The following PLCB1 variants were observed in gnomAD, a reference collection of about 807,000 sequenced individuals.
The protein encoded by PLCB1 is phospholipase C beta 1, also known as 1-phosphatidylinositol 4,5-bisphosphate phosphodiesterase beta-1.
PLCB1 carries 46 observed loss-of-function variants against 161.8 expected under a neutral mutation model. The ratio of observed to expected loss-of-function variants is 0.28; its 90% CI spans 0.22 to 0.36. The LOEUF (loss-of-function observed/expected upper bound fraction) is 0.36. Among genes scored for constraint, PLCB1 ranks in the 10% least tolerant of loss-of-function variants. The pLI, the probability that PLCB1 is intolerant of heterozygous loss-of-function variation, is 1.00. For synonymous variants in PLCB1, 517 were observed against 503.7 expected, an observed-to-expected ratio of 1.03 and a Z score of -0.35; for missense variants, 1,016 against 1,472.5, an observed-to-expected ratio of 0.69 and a Z score of 5.07.
At chr20:8,292,631 T>C (rs1159037938) in intron 2 of PLCB1, among the ~76,000 whole-genome samples, 1 of 152,060 alleles carries the variant, frequency 6.6e-6, no homozygotes, top group African/African-American at 2.4e-5. Flanking sequence ...TATTCTAAAG[T>C]CAGGAGGAAA....
intron 19 of PLCB1, 27 bp downstream of exon 19, chr20:8,733,419 TC>T (rs767418506): frequency 1.9e-6 from 3 of 1,604,070 alleles, no homozygotes; most frequent in Non-Finnish European, 2.6e-6. Context: ...ACAAAATTGT[TC>T]CTAACAATAG....
intron 9 of PLCB1, among the ~76,000 whole-genome samples, chr20:8,666,788 T>C (rs1196948694): frequency 2.0e-5 from 3 of 152,120 alleles, no homozygotes; most frequent in African/African-American, 7.2e-5. Context: ...TTGTTTCTTC[T>C]AACAAAGTCT....
At chr20:8,811,279 C>G (rs1169179078) in intron 31 of PLCB1, among the ~76,000 whole-genome samples, 1 of 152,194 alleles carries the variant, frequency 6.6e-6, no homozygotes, top group African/African-American at 2.4e-5. Context: ...GACAGCTTAT[C>G]TAACACTCAT....
chr20:8,733,231 T>A lies in PLCB1; in HGVS notation c.1889-7T>A. 6.2e-7 allele frequency: 1 copy of A among 1,613,472 alleles called. No individual in the cohort carries two copies. Among genetic ancestry groups the A allele is most frequent in the East Asian group, 2.2e-5 (1 of 44,844 alleles). On this transcript the variant is annotated splice_region_variant and splice_polypyrimidine_tract_variant and intron_variant, in intron 18 of 31. Coordinates refer to ENST00000338037, the MANE Select transcript of PLCB1 (RefSeq NM_015192.4). ...CTCACAATAAGGCTTGTGTTTTTGA[T>A]ACTCAGACCTGGCTATGCAAATAAA...
In PLCB1 at chr20:8,546,144, G is replaced by A. The variant is rs1004583981; in HGVS notation, c.247-82150G>A. On this transcript the variant is annotated intron_variant, in intron 3 of 31. Coordinates refer to ENST00000338037, the MANE Select transcript of PLCB1 (RefSeq NM_015192.4). ...AGCCTGGCCAATATGGTGAAACCCC[G>A]TCTCTAATAAAAATACAAAAATTAG... Among the ~76,000 whole-genome samples, 9 of 151,136 alleles carry A rather than the reference G, an allele frequency of 6.0e-5. 1 individual carries two copies. The highest frequency in any genetic ancestry group is 2.1e-4 in the South Asian group (1 of 4,778).
chr20:8,323,985 G>A (rs1037158529), intron 2 of PLCB1, among the ~76,000 whole-genome samples: 2 of 152,092 alleles, frequency 1.3e-5, no homozygotes, highest in East Asian at 3.9e-4. Flanking sequence ...AGAGTTAAGT[G>A]AGAAAACTGA....
chr20:8,759,955 G>A (rs904665500), intron 24 of PLCB1, among the ~76,000 whole-genome samples: 57 of 136,534 alleles, frequency 4.2e-4, no homozygotes, highest in African/African-American at 1.6e-3. Context: ...ACATAGGGTG[G>A]AGTGCAGTGG....
At chr20:8,560,331 C>T (rs1986103312) in intron 3 of PLCB1, among the ~76,000 whole-genome samples, 1 of 151,972 alleles carries the variant, frequency 6.6e-6, no homozygotes, top group African/African-American at 2.4e-5. Flanking sequence ...CATCTTCAGA[C>T]TTAAATTGCT....
At chr20:8,722,447 T>G (rs1979698460) in intron 15 of PLCB1, 26 bp downstream of exon 15, 2 of 1,565,698 alleles carry the variant, frequency 1.3e-6, no homozygotes, top group African/African-American at 2.7e-5. Context: ...TTCTGGTCCC[T>G]AAGGCATTCC....
intron 11 of PLCB1, among the ~76,000 whole-genome samples, chr20:8,701,319 C>T (rs1477071964): frequency 2.6e-5 from 4 of 152,184 alleles, no homozygotes; most frequent in Non-Finnish European, 5.9e-5. Flanking sequence ...CTGTGCCAGG[C>T]TGGCCCCGCC....
At chr20:8,421,524 A>G (rs1979538186) in intron 3 of PLCB1, among the ~76,000 whole-genome samples, 1 of 152,130 alleles carries the variant, frequency 6.6e-6, no homozygotes, top group African/African-American at 2.4e-5. Context: ...ATATCAATAC[A>G]TTTGTGAAAC....
intron 2 of PLCB1, among the ~76,000 whole-genome samples, chr20:8,318,664 C>T (rs1365650522): frequency 6.6e-6 from 1 of 152,086 alleles, no homozygotes; most frequent in Non-Finnish European, 1.5e-5. Context: ...GTATTTCATT[C>T]TGTCTATACC....
At chr20:8,575,740 A>G (rs1247564275) in intron 3 of PLCB1, among the ~76,000 whole-genome samples, 1 of 152,216 alleles carries the variant, frequency 6.6e-6, no homozygotes, top group African/African-American at 2.4e-5. Context: ...TCATCTTGCA[A>G]TCTGAAATAA....
At chr20:8,729,399 C>A in intron 18 of PLCB1, 1 of 322,392 alleles carries the variant, frequency 3.1e-6, no homozygotes, top group Non-Finnish European at 5.6e-6. Context: ...ACAGGCTTTG[C>A]ATTATTTTTC....
intron 3 of PLCB1, among the ~76,000 whole-genome samples, chr20:8,612,025 GTTTGTAACTTCC>G (rs1222391709): frequency 6.6e-6 from 1 of 152,134 alleles, no homozygotes; most frequent in Non-Finnish European, 1.5e-5. Flanking sequence ...TTTTAAGGAA[GTTTGTAACTTCC>G]TTAAAAACAG....
At chr20:8,823,058 G>A (rs538100489) in intron 31 of PLCB1, among the ~76,000 whole-genome samples, 1 of 152,292 alleles carries the variant, frequency 6.6e-6, no homozygotes, top group East Asian at 1.9e-4. Flanking sequence ...ATTATAACTA[G>A]CCTAGAGATG....
chr20:8,474,471 C>A (rs183872227), intron 3 of PLCB1, among the ~76,000 whole-genome samples: 1 of 152,090 alleles, frequency 6.6e-6, no homozygotes, highest in East Asian at 1.9e-4. Context: ...GTCCTTGGAT[C>A]GGAGTGTGCT....
intron 27 of PLCB1, among the ~76,000 whole-genome samples, chr20:8,784,133 G>T (rs188000676): frequency 6.6e-6 from 1 of 152,248 alleles, no homozygotes; most frequent in East Asian, 1.9e-4. Flanking sequence ...TGAGTTGGGC[G>T]GTAGTGGCAT....
chr20:8,483,978 G>A (rs1453068328), intron 3 of PLCB1, among the ~76,000 whole-genome samples: 1 of 152,110 alleles, frequency 6.6e-6, no homozygotes, highest in Non-Finnish European at 1.5e-5. Context: ...CAGGGCCTTT[G>A]GACCTGTTGT....
Sources: allele counts gnomAD v4.1 joint callset (sites outside exome capture counted in the v4.1 genomes callset), GRCh38; gene constraint gnomAD v4.1.1; transcripts MANE v1.5; gene names NCBI Gene and HGNC (gene_info 2026-07-23, HGNC 2026-07-21).